Variants in SLC4A7 observed in about 807,000 individuals in gnomAD.
SLC4A7 encodes the protein solute carrier family 4 member 7.
SLC4A7 carries 51 observed loss-of-function variants against 137.6 expected under a neutral mutation model. The ratio of observed to expected loss-of-function variants is 0.37; its 90% CI spans 0.30 to 0.47. The LOEUF (loss-of-function observed/expected upper bound fraction) is 0.47. Ranked by LOEUF, SLC4A7 falls within the 20% of genes least tolerant of loss-of-function variation. The pLI, the probability that SLC4A7 is intolerant of heterozygous loss-of-function variation, is 1.00. For synonymous variants in SLC4A7, 542 were observed against 518.6 expected, an observed-to-expected ratio of 1.05 and a Z score of -0.61; for missense variants, 1,247 against 1,525.4, an observed-to-expected ratio of 0.82 and a Z score of 3.04.
Position 27,431,353 on chromosome 3 carries a change from T to C in SLC4A7, c.1095A>G (p.Glu365=), listed in dbSNP as rs749336441. The C allele has an allele frequency of 1.2e-6, 2 of 1,612,876 alleles. No homozygotes were observed. Among genetic ancestry groups the C allele is most frequent in the South Asian group, 1.1e-5 (1 of 90,774 alleles). The change falls in exon 7 of 26, where the codon GAA becomes GAG. Residue 365 remains glutamate (E), a synonymous_variant. Transcript: ENST00000454389. ...TCTGCTCCTCGCCTTTCAGCGCTGCTTCTAAGTCTTCCTCAGGCGGATGAA... is the reference window on the plus strand; with the variant it reads ...TCTGCTCCTCGCCTTTCAGCGCTGCCTCTAAGTCTTCCTCAGGCGGATGAA... ...VVIHPPEEDL[E]AALKGEEQKN... is the part of the protein sequence containing the mutation.
intron 1 of SLC4A7, among the ~76,000 whole-genome samples, chr3:27,477,385 T>C (rs986805917): frequency 1.3e-5 from 2 of 152,246 alleles, no homozygotes; most frequent in African/African-American, 4.8e-5. Context: ...GTGTTAAAGA[T>C]GTGAACTCAC....
In SLC4A7 at chr3:27,385,919, TTC is replaced by T; in HGVS notation, c.3463_3464del (p.Glu1155ArgfsTer2). 1 of 1,571,292 alleles carries T rather than the reference TTC, an allele frequency of 6.4e-7. No homozygotes were observed. Among genetic ancestry groups the T allele is most frequent in the Middle Eastern group, 1.7e-4 (1 of 5,970 alleles). On this transcript the variant is annotated frameshift_variant, in exon 23 of 26. Transcript: ENST00000454389. LOFTEE classifies it high-confidence loss of function. ...CTTTCTCTTTTTTCTTTTTGTCATC[TTC>T]TTTCTTTTTCTTACTTTCTGGCATA... The part of the protein sequence containing the change: ...DLMPESKKKK[E>X]DDKKKKEKEE...
At chr3:27,425,734 TCTA>T (rs1310548518) in intron 7 of SLC4A7, among the ~76,000 whole-genome samples, 1 of 151,318 alleles carries the variant, frequency 6.6e-6, no homozygotes, top group Non-Finnish European at 1.5e-5. Flanking sequence ...TACACAGATT[TCTA>T]CTACTAGGTT....
intron 18 of SLC4A7, among the ~76,000 whole-genome samples, chr3:27,396,507 A>G (rs1480677808): frequency 6.6e-6 from 1 of 152,046 alleles, no homozygotes; most frequent in African/African-American, 2.4e-5. Flanking sequence ...AAAGTTTAAT[A>G]TTTTCATATT....
In SLC4A7 at chr3:27,448,512, CCAATA is replaced by C. The variant is rs1390247938; in HGVS notation, c.289+134_289+138del. ...AAATTATTACTTCAATTGATATTCC[CCAATA>C]CAATACATTCCCCATACAATGTGAC... On this transcript the variant is annotated intron_variant, in intron 3 of 25. Coordinates refer to ENST00000454389, the MANE Select transcript of SLC4A7 (RefSeq NM_001321103.2). 18 of 544,288 alleles carry C rather than the reference CCAATA, an allele frequency of 3.3e-5. No homozygotes were observed. In the East Asian group the frequency reaches 4.2e-4, roughly 13 times the overall value. The allele number at this position is 544,288 out of a possible 1,614,324, so 33.7% of individuals were successfully genotyped here.
intron 9 of SLC4A7, among the ~76,000 whole-genome samples, chr3:27,421,388 A>G (rs1329101955): frequency 6.6e-6 from 1 of 152,034 alleles, no homozygotes; most frequent in Non-Finnish European, 1.5e-5. Flanking sequence ...CCAGACTACT[A>G]GGGAGGCTAA....
At chr3:27,393,352 A>G (rs1023237366) in intron 20 of SLC4A7, among the ~76,000 whole-genome samples, 1 of 152,242 alleles carries the variant, frequency 6.6e-6, no homozygotes, top group African/African-American at 2.4e-5. Flanking sequence ...TGACTTTAAG[A>G]TCCAAAAGAA....
At position 27,394,783 on chromosome 3, in the gene SLC4A7, T is replaced by C; in HGVS notation, c.2866-14A>G. 4 of 1,611,558 alleles carry C rather than the reference T, an allele frequency of 2.5e-6. No individual in the cohort carries two copies. The highest frequency in any genetic ancestry group is 3.4e-6 in the Non-Finnish European group (4 of 1,178,550). On this transcript the variant is annotated splice_polypyrimidine_tract_variant and intron_variant, in intron 19 of 25. Coordinates refer to ENST00000454389, the MANE Select transcript of SLC4A7 (RefSeq NM_001321103.2). ...GCCAGCTCCTTTCTGAAAAGTGAAA[T>C]GAACATAAATATCTGTAAGTCTAAA...
At chr3:27,474,488 G>A (rs1024337396) in intron 1 of SLC4A7, among the ~76,000 whole-genome samples, 3 of 152,064 alleles carry the variant, frequency 2.0e-5, no homozygotes, top group Admixed American at 1.3e-4. Flanking sequence ...AAGGCAGGCA[G>A]ATCACGAGGT....
At position 27,403,353 on chromosome 3, in the gene SLC4A7, T is replaced by C. The variant is rs1450907461; in HGVS notation, c.2107A>G (p.Thr703Ala). 1.9e-6 allele frequency: 3 copies of C among 1,602,454 alleles called. No homozygotes were observed. The highest frequency in any genetic ancestry group is 2.6e-6 in the Non-Finnish European group (3 of 1,173,244). The change falls in exon 15 of 26, where the codon ACC becomes GCC. Residue 703 changes from threonine (T) to alanine (A), a missense_variant. Thr to Ala is a moderately conservative substitution (Grantham distance 58). Coordinates refer to ENST00000454389, the MANE Select transcript of SLC4A7 (RefSeq NM_001321103.2). Reference protein sequence around the residue: ...DYQLSYLSLRTSIGLWTSFLC... With the variant: ...DYQLSYLSLRASIGLWTSFLC... Reference sequence around the variant, plus strand: ...AAAGAAGTCCACAGACCAATACTGGTTCTTAAAGACAGATAAGAAAGTTGA... The same window carrying C: ...AAAGAAGTCCACAGACCAATACTGGCTCTTAAAGACAGATAAGAAAGTTGA...
chr3:27,460,251 C>G (rs919488211), intron 1 of SLC4A7, among the ~76,000 whole-genome samples: 1 of 151,980 alleles, frequency 6.6e-6, no homozygotes, highest in Non-Finnish European at 1.5e-5. Context: ...CTAGGCTGGT[C>G]CCAAACTTCT....
At chr3:27,482,459 T>C (rs960676283) in intron 1 of SLC4A7, among the ~76,000 whole-genome samples, 2 of 152,116 alleles carry the variant, frequency 1.3e-5, no homozygotes, top group African/African-American at 4.8e-5. Context: ...TAAAACAGTT[T>C]ATTCAAAGGC....
Position 27,437,392 on chromosome 3 carries a change from C to A in SLC4A7, c.424G>T (p.Ala142Ser). The A allele has an allele frequency of 1.9e-6, 3 of 1,570,416 alleles. No individual in the cohort carries two copies. The highest frequency in any genetic ancestry group is 2.6e-6 in the Non-Finnish European group (3 of 1,162,694). Reference protein sequence around the residue: ...DGEEYEWKETARWLKFEEDVE... With the variant: ...DGEEYEWKETSRWLKFEEDVE... Reference sequence around the variant, plus strand: ...AGAGAGACTTAGCAGTATTACCTAGCAGTTTCTTTCCATTCATATTCTTCT... The same window carrying A: ...AGAGAGACTTAGCAGTATTACCTAGAAGTTTCTTTCCATTCATATTCTTCT... The change falls in exon 4 of 26, where the codon GCT (alanine) becomes TCT (serine). Residue 142 changes from alanine to serine, a missense_variant. Transcript: ENST00000454389.
chr3:27,465,589 C>T (rs1251586035), intron 1 of SLC4A7, among the ~76,000 whole-genome samples: 2 of 151,568 alleles, frequency 1.3e-5, no homozygotes, highest in African/African-American at 4.9e-5. Context: ...AAATACTACA[C>T]AGCTTAAAAT....
intron 22 of SLC4A7, among the ~76,000 whole-genome samples, chr3:27,389,610 T>A (rs1341031259): frequency 6.6e-6 from 1 of 152,188 alleles, no homozygotes; most frequent in Admixed American, 6.5e-5. Context: ...TAATGAACCA[T>A]GTTGTTTTGG....
intron 1 of SLC4A7, among the ~76,000 whole-genome samples, chr3:27,470,034 T>C (rs2059169969): frequency 6.6e-6 from 1 of 152,224 alleles, no homozygotes; most frequent in African/African-American, 2.4e-5. Flanking sequence ...AATTACAGTT[T>C]AGTGTAATTA....
At chr3:27,462,083 A>T (rs2058731338) in intron 1 of SLC4A7, among the ~76,000 whole-genome samples, 1 of 151,980 alleles carries the variant, frequency 6.6e-6, no homozygotes, top group Non-Finnish European at 1.5e-5. Flanking sequence ...AGCAAAACAA[A>T]TTTTTTAATG....
At chr3:27,479,886 C>A (rs990626153) in intron 1 of SLC4A7, among the ~76,000 whole-genome samples, 1 of 152,214 alleles carries the variant, frequency 6.6e-6, no homozygotes, top group Middle Eastern at 3.4e-3. Flanking sequence ...CCTAAATGGC[C>A]CACACAGTTT....
At chr3:27,400,976 A>C in intron 15 of SLC4A7, 107 bp from the exon 16 acceptor site, 1 of 620,820 alleles carries the variant, frequency 1.6e-6, no homozygotes, top group Non-Finnish European at 2.8e-6. Context: ...TTTTTCCCAC[A>C]TTGAGAAGCA....
Sources: allele counts gnomAD v4.1 joint callset (sites outside exome capture counted in the v4.1 genomes callset), GRCh38; gene constraint gnomAD v4.1.1; transcripts MANE v1.5; gene names NCBI Gene and HGNC (gene_info 2026-07-23, HGNC 2026-07-21).